PCM1: variants seen among roughly 807,000 people sequenced by gnomAD.
PCM1 encodes the protein pericentriolar material 1, also known as pericentriolar material 1 protein.
PCM1 carries 157 observed loss-of-function variants against 241.9 expected under a neutral mutation model. That is an observed-to-expected ratio of 0.65 (90% CI 0.57 to 0.74). The LOEUF (loss-of-function observed/expected upper bound fraction) is 0.74. PCM1 is among the 30% of genes least tolerant of loss of function. PCM1 has a pLI of 0.00. For missense variants in PCM1, 3,478 were observed against 2,360.1 expected, an observed-to-expected ratio of 1.47 and a Z score of -9.81; for synonymous variants, 1,085 against 784.9, an observed-to-expected ratio of 1.38 and a Z score of -6.39.
At chr8:18,014,476 T>TTAAATATCTTGATTGCTCTTATTCAGGCG (rs1265472669) in intron 35 of PCM1, 108 bp from the exon 36 acceptor site, 2 of 864,254 alleles carry the variant, frequency 2.3e-6, no homozygotes, top group African/African-American at 3.5e-5. Context: ...CTTTTTGGTC[T>TTAAATATCTTGATTGCTCTTATTCAGGCG]TAAATATCTT....
At position 17,967,002 on chromosome 8, in the gene PCM1, C is replaced by T. The variant is rs779442208; in HGVS notation, c.3244C>T (p.Leu1082Phe). 4.4e-6 allele frequency: 7 copies of T among 1,606,994 alleles called. No homozygotes were observed. Among genetic ancestry groups the T allele is most frequent in the Non-Finnish European group, 5.1e-6 (6 of 1,176,544 alleles). ...TAGGTTGAAACAAATGCTAAATGAA[C>T]TTATGCGCCAGCAAAATCAGCATCC... ...VQRLKQMLNE[L>F]MRQQNQHPEK... Residue 1082 changes from leucine (L) to phenylalanine (F), a missense_variant, in exon 21 of 39, where the codon CTT (leucine) becomes TTT (phenylalanine). Coordinates refer to ENST00000325083, the MANE Select transcript of PCM1 (RefSeq NM_006197.4).
At position 18,011,784 on chromosome 8, in the gene PCM1, A is replaced by G; in HGVS notation, c.5468A>G (p.Gln1823Arg). 1 of 1,613,614 alleles carries G rather than the reference A, an allele frequency of 6.2e-7. No individual in the cohort carries two copies. Among genetic ancestry groups the G allele is most frequent in the Non-Finnish European group, 8.5e-7 (1 of 1,179,772 alleles). Residue 1823 changes from glutamine (Q) to arginine (R), a missense_variant, in exon 34 of 39, where the codon CAG (glutamine) becomes CGG (arginine). Coordinates refer to ENST00000325083, the MANE Select transcript of PCM1 (RefSeq NM_006197.4). ...EGPVDVQTSL[Q>R]ANTEATEENE... ...CCTGTGGATGTCCAGACTTCCCTCC[A>G]GGCTAACACTGAAGCTACTGAAGAA...
intron 37 of PCM1, 24 bp downstream of exon 37, chr8:18,025,477 C>G (rs1332880936): frequency 1.3e-6 from 2 of 1,524,844 alleles, no homozygotes; most frequent in East Asian, 2.3e-5. Context: ...TTTAATTAAA[C>G]TTGTCTTTAC....
chr8:17,970,676 A>C (rs1011507353), intron 22 of PCM1, among the ~76,000 whole-genome samples: 1 of 152,188 alleles, frequency 6.6e-6, no homozygotes, highest in African/African-American at 2.4e-5. Context: ...ACGAGCAGTA[A>C]ACATTTATTC....
At chr8:17,986,132 G>T in intron 26 of PCM1, 45 bp downstream of exon 26, 1 of 1,310,110 alleles carries the variant, frequency 7.6e-7, no homozygotes, top group Non-Finnish European at 1.0e-6. Context: ...ATTTTAGTAT[G>T]CAGTAAATAA....
At chr8:18,000,698 T>G (rs1469267458) in intron 29 of PCM1, among the ~76,000 whole-genome samples, 2 of 152,138 alleles carry the variant, frequency 1.3e-5, no homozygotes, top group Non-Finnish European at 2.9e-5. Flanking sequence ...CTCGGCTCAC[T>G]GCAACCCTTG....
At chr8:17,935,060 CT>C (rs1306395452) in intron 2 of PCM1, among the ~76,000 whole-genome samples, 3 of 152,324 alleles carry the variant, frequency 2.0e-5, no homozygotes, top group Admixed American at 6.5e-5. Flanking sequence ...TCCTGCTTCT[CT>C]TTCCCTACCT....
intron 28 of PCM1, among the ~76,000 whole-genome samples, chr8:17,992,863 C>T (rs1034942291): frequency 2.0e-5 from 3 of 151,600 alleles, no homozygotes; most frequent in African/African-American, 7.3e-5. Flanking sequence ...GTGATCTGCC[C>T]ACCTCAGCCT....
At chr8:17,988,327 G>T (rs1392324642) in intron 26 of PCM1, among the ~76,000 whole-genome samples, 1 of 151,720 alleles carries the variant, frequency 6.6e-6, no homozygotes, top group Non-Finnish European at 1.5e-5. Context: ...ATTAGTTAAG[G>T]GAAAGAACAC....
At chr8:17,945,419 T>C (rs564246926) in intron 6 of PCM1, among the ~76,000 whole-genome samples, 57 of 152,266 alleles carry the variant, frequency 3.7e-4, no homozygotes, top group Non-Finnish European at 6.2e-4. Flanking sequence ...GCTATTTGTT[T>C]CCCATGCTCA....
chr8:17,927,126 T>G (rs1015629526), intron 2 of PCM1: 1 of 140,304 alleles, frequency 7.1e-6, no homozygotes, highest in African/African-American at 2.9e-5. Context: ...TCACTTTGAT[T>G]TTTTTTTTTT....
At chr8:18,002,979 C>A (rs974400401) in intron 29 of PCM1, among the ~76,000 whole-genome samples, 1 of 152,156 alleles carries the variant, frequency 6.6e-6, no homozygotes, top group Non-Finnish European at 1.5e-5. Flanking sequence ...AATACTTCTG[C>A]CTGGAATGCT....
intron 36 of PCM1, among the ~76,000 whole-genome samples, chr8:18,021,228 CATT>C (rs796779429): frequency 2.6e-5 from 4 of 152,220 alleles, no homozygotes; most frequent in African/African-American, 9.6e-5. Context: ...TTCAAACTGT[CATT>C]ATTATTAAAG....
In PCM1 at chr8:17,945,190, AGTT is replaced by A. The variant is rs566021743; in HGVS notation, c.784-1992_784-1990del. ...ATTGATAATTATCCCTACCCTTCAA[AGTT>A]GTTTTTTTCCTAATGATGTAAACTG... On this transcript the variant is annotated intron_variant, in intron 6 of 38. Coordinates refer to ENST00000325083, the MANE Select transcript of PCM1 (RefSeq NM_006197.4). Among the ~76,000 whole-genome samples the A allele has an allele frequency of 7.2e-5, 11 of 152,182 alleles. No homozygotes were observed. The East Asian group carries it at 2.1e-3, about 29-fold the overall frequency.
chr8:17,991,817 A>G (rs957855346), intron 28 of PCM1, 117 bp downstream of exon 28: 3 of 669,842 alleles, frequency 4.5e-6, no homozygotes, highest in Non-Finnish European at 2.5e-6. Context: ...AGCAGTATAC[A>G]CTGTACCCAG....
chr8:17,923,834 G>A (rs1455690843), intron 1 of PCM1, among the ~76,000 whole-genome samples: 2 of 152,024 alleles, frequency 1.3e-5, no homozygotes, highest in Non-Finnish European at 2.9e-5. Context: ...TTAGAATTGG[G>A]CCTAGAACCG....
Position 17,923,110 on chromosome 8 carries a change from G to A in PCM1, c.-169G>A, listed in dbSNP as rs573879061. On this transcript the variant is annotated 5_prime_UTR_variant, in exon 1 of 39. Coordinates refer to ENST00000325083, the MANE Select transcript of PCM1 (RefSeq NM_006197.4). ...TGGGCCTCTCTGCTGCGGTCTCCGA[G>A]GGCCGACCGCTGCCGGCGGCGGGTC... 6.6e-6 allele frequency: 1 copy of A among 152,564 alleles called. No individual in the cohort carries two copies. Among genetic ancestry groups the A allele is most frequent in the African/African-American group, 2.4e-5 (1 of 41,462 alleles). The allele number at this position is 152,564 out of a possible 1,614,324, so 9.5% of individuals were successfully genotyped here. A position where few individuals can be genotyped will look rare whatever the true frequency, so the allele number is the denominator to read the frequency against.
intron 18 of PCM1, among the ~76,000 whole-genome samples, 167 bp downstream of exon 18, chr8:17,964,935 C>T (rs561334017): frequency 1.4e-4 from 21 of 152,276 alleles, no homozygotes; most frequent in South Asian, 6.2e-4. Flanking sequence ...TTAAGGGGCT[C>T]AGTTCAGTAA....
intron 26 of PCM1, among the ~76,000 whole-genome samples, chr8:17,986,656 C>T (rs944004196): frequency 6.6e-6 from 1 of 151,650 alleles, no homozygotes; most frequent in Non-Finnish European, 1.5e-5. Flanking sequence ...CTTAGCACAT[C>T]GTTGATTGAA....
Sources: allele counts gnomAD v4.1 joint callset (sites outside exome capture counted in the v4.1 genomes callset), GRCh38; gene constraint gnomAD v4.1.1; transcripts MANE v1.5; gene names NCBI Gene and HGNC (gene_info 2026-07-23, HGNC 2026-07-21).